SLC36A1: variants seen among roughly 807,000 people sequenced by gnomAD.
The protein encoded by SLC36A1 is proton-coupled amino acid transporter 1.
In SLC36A1, 30 loss-of-function variants were observed where a neutral mutation model predicts 47.5. The ratio of observed to expected loss-of-function variants is 0.63; its 90% confidence interval spans 0.47 to 0.86. The LOEUF is 0.86. Among genes scored for constraint, SLC36A1 ranks in the 40% least tolerant of loss-of-function variants. The pLI, the probability that SLC36A1 is intolerant of heterozygous loss-of-function variation, is 0.00. For synonymous variants in SLC36A1, 255 were observed against 249.7 expected (o/e 1.02, Z -0.20); for missense variants, 517 against 606.0 (o/e 0.85, Z 1.54).
chr5:151,382,047 C>G, the SLC36A1 span: 5 of 686,736 alleles, frequency 7.3e-6, no homozygotes, highest in Non-Finnish European at 5.2e-6. Flanking sequence ...AGTCTTTGCC[C>G]TTCCTGTTAC....
rs1003340757 is a variant in SLC36A1 at position 151,480,886 on chromosome 5, C to T, written c.1159+1397C>T. 2.0e-5 allele frequency among the ~76,000 whole-genome samples: 3 copies of T among 152,294 alleles called. No individual in the cohort carries two copies. In the East Asian group the frequency reaches 5.8e-4, roughly 29 times the overall value. On this transcript the variant is annotated intron_variant, in intron 10 of 10. Coordinates refer to ENST00000243389, the MANE Select transcript of SLC36A1 (RefSeq NM_078483.4). ...TTAGTTCAAATAATTTGCTTTTATC[C>T]AAAGTGCTCCCTCCGGAAAAAGTAG...
the SLC36A1 span, chr5:151,540,612 C>T: frequency 6.2e-6 from 10 of 1,614,126 alleles, no homozygotes; most frequent in South Asian, 9.9e-5. Flanking sequence ...GGACAAAGAT[C>T]TCCACAGTGA....
chr5:151,464,947 G>A, intron 4 of SLC36A1, 127 bp from the exon 5 acceptor site: 2 of 731,504 alleles, frequency 2.7e-6, no homozygotes, highest in Non-Finnish European at 4.8e-6. Context: ...CGAGATACAG[G>A]ACTCAGAGTG....
chr5:151,485,649 G>A (rs746662749), intron 10 of SLC36A1, among the ~76,000 whole-genome samples: 10 of 152,222 alleles, frequency 6.6e-5, no homozygotes, highest in Non-Finnish European at 1.0e-4. Flanking sequence ...GCTTCCTGTC[G>A]TTTACACCCT....
chr5:151,554,833 T>G, the SLC36A1 span, among the ~76,000 whole-genome samples: 3 of 152,120 alleles, frequency 2.0e-5, no homozygotes, highest in Non-Finnish European at 4.4e-5. Context: ...CTGGCAACTT[T>G]GCCCCTGGGA....
At chr5:151,544,605 A>G in the SLC36A1 span, 1 of 1,614,148 alleles carries the variant, frequency 6.2e-7, no homozygotes, top group Admixed American at 1.7e-5. Flanking sequence ...CTTTGTAATA[A>G]GGACTCTGAA....
chr5:151,476,616 G>C lies in SLC36A1; in HGVS notation c.849G>C (p.Lys283Asn). The change falls in exon 9 of 11, where the codon AAG becomes AAC. Residue 283 changes from lysine to asparagine, a missense_variant. By Grantham distance (94) the Lys-to-Asn change is moderately conservative. Coordinates refer to ENST00000243389, the MANE Select transcript of SLC36A1 (RefSeq NM_078483.4). ...GMVLPLENKMKDPRKFPLILY... is the reference protein window; with the variant it reads ...GMVLPLENKMNDPRKFPLILY... The stretch of plus-strand genomic sequence containing the variant: ...TTCTGCCCCTGGAAAACAAAATGAA[G>C]GATCCTCGGAAGTTCCCACTCATCC... 6.3e-7 allele frequency: 1 copy of C among 1,596,854 alleles called. No individual in the cohort carries two copies. The highest frequency in any genetic ancestry group is 8.5e-7 in the Non-Finnish European group (1 of 1,171,988).
At chr5:151,505,129 G>A in the SLC36A1 span, 1 of 267,200 alleles carries the variant, frequency 3.7e-6, no homozygotes, top group Non-Finnish European at 7.2e-6. Flanking sequence ...GGCCCGCGTA[G>A]TGGTTGTCTG....
intron 10 of SLC36A1, among the ~76,000 whole-genome samples, chr5:151,481,577 T>C (rs1225939355): frequency 6.6e-6 from 1 of 152,144 alleles, no homozygotes; most frequent in Admixed American, 6.5e-5. Context: ...TCCTATCTTT[T>C]CCCCAACTTT....
chr5:151,513,971 T>G, the SLC36A1 span, among the ~76,000 whole-genome samples: 2 of 152,134 alleles, frequency 1.3e-5, no homozygotes, highest in Non-Finnish European at 2.9e-5. Flanking sequence ...ACCACTGGGT[T>G]AAAACATTTT....
the SLC36A1 span, among the ~76,000 whole-genome samples, chr5:151,541,238 C>G: frequency 6.6e-6 from 1 of 152,292 alleles, no homozygotes; most frequent in East Asian, 1.9e-4. Context: ...ATCTTTCTTT[C>G]CTTGACACTA....
the SLC36A1 span, chr5:151,380,309 A>C: frequency 3.6e-6 from 1 of 278,264 alleles, no homozygotes; most frequent in Admixed American, 4.4e-5. Flanking sequence ...ACGTGGTGAA[A>C]CGCCCTCTCT....
chr5:151,359,885 C>T, the SLC36A1 span, among the ~76,000 whole-genome samples: 1 of 152,106 alleles, frequency 6.6e-6, no homozygotes, highest in Non-Finnish European at 1.5e-5. Flanking sequence ...ATTGATATTC[C>T]ATTGTATGGG....
the SLC36A1 span, among the ~76,000 whole-genome samples, chr5:151,348,763 G>C: frequency 2.0e-5 from 3 of 152,204 alleles, no homozygotes; most frequent in Non-Finnish European, 2.9e-5. Flanking sequence ...GCTCAGAGAG[G>C]AAAAGAATAA....
At chr5:151,555,481 C>T in the SLC36A1 span, among the ~76,000 whole-genome samples, 12 of 151,370 alleles carry the variant, frequency 7.9e-5, no homozygotes, top group East Asian at 3.9e-4. Context: ...AGTGCTTCTC[C>T]GCCTCAGCCT....
intron 5 of SLC36A1, among the ~76,000 whole-genome samples, chr5:151,466,014 A>G (rs1440556324): frequency 6.6e-6 from 1 of 151,872 alleles, no homozygotes; most frequent in Non-Finnish European, 1.5e-5. Context: ...TCATAGAGGA[A>G]ACTTACTTTC....
At chr5:151,536,592 A>G in the SLC36A1 span, among the ~76,000 whole-genome samples, 2 of 152,178 alleles carry the variant, frequency 1.3e-5, no homozygotes, top group Non-Finnish European at 2.9e-5. Context: ...CTCACAGCCC[A>G]GCCTCTCCTG....
At chr5:151,528,518 T>C in the SLC36A1 span, among the ~76,000 whole-genome samples, 1 of 152,326 alleles carries the variant, frequency 6.6e-6, no homozygotes, top group Admixed American at 6.5e-5. Context: ...AAAGGACTCA[T>C]GAAGCCCTGA....
chr5:151,463,569 A>C lies in SLC36A1; in HGVS notation c.160A>C (p.Ile54Leu). The C allele has an allele frequency of 3.1e-6, 5 of 1,614,052 alleles. No individual in the cohort carries two copies. The South Asian group carries it at 5.5e-5, about 18-fold the overall frequency. ...SNSTTWFQTL[I>L]HLLKGNIGTG... ...CCACTTCAGATGGTTCCAGACCTTG[A>C]TCCACCTGTTAAAAGGCAACATTGG... Residue 54 changes from isoleucine (I) to leucine (L), a missense_variant, in exon 3 of 11, where the codon ATC (isoleucine) becomes CTC (leucine). Ile to Leu is a conservative substitution (Grantham distance 5). Coordinates refer to ENST00000243389, the MANE Select transcript of SLC36A1 (RefSeq NM_078483.4).
Sources: allele counts gnomAD v4.1 joint callset (sites outside exome capture counted in the v4.1 genomes callset), GRCh38; gene constraint gnomAD v4.1.1; transcripts MANE v1.5; gene names NCBI Gene and HGNC (gene_info 2026-07-23, HGNC 2026-07-21).